Variants in MED13L observed in about 807,000 individuals in gnomAD.
The protein encoded by MED13L is mediator of RNA polymerase II transcription subunit 13-like.
A neutral mutation model predicts 220.9 loss-of-function variants in MED13L; 7 were observed. The ratio of observed to expected loss-of-function variants is 0.03; its 90% CI spans 0.02 to 0.06. MED13L has a LOEUF of 0.06. Among genes scored for constraint, MED13L ranks in the 10% least tolerant of loss-of-function variants. MED13L has a pLI of 1.00. For synonymous variants in MED13L, 1,011 were observed against 1,015.2 expected, an observed-to-expected ratio of 1.00 and a Z score of 0.08; for missense variants, 1,965 against 2,760.5, an observed-to-expected ratio of 0.71 and a Z score of 6.46.
At chr12:115,971,078 G>A (rs966048849) in intron 26 of MED13L, among the ~76,000 whole-genome samples, 6 of 152,038 alleles carry the variant, frequency 3.9e-5, no homozygotes, top group Admixed American at 1.3e-4. Context: ...TCCTCCTCTG[G>A]TTGTTCACAA....
At chr12:116,105,404 T>C (rs1282273467) in intron 3 of MED13L, among the ~76,000 whole-genome samples, 1 of 152,210 alleles carries the variant, frequency 6.6e-6, no homozygotes, top group East Asian at 1.9e-4. Context: ...TATCATTCTG[T>C]GCATTTTTCC....
At position 116,022,608 on chromosome 12, in the gene MED13L, AAGAG is replaced by A. The variant is rs1592956795; in HGVS notation, c.480-11_480-8del. On this transcript the variant is annotated splice_polypyrimidine_tract_variant and splice_region_variant and intron_variant, in intron 4 of 30. Coordinates refer to ENST00000281928, the MANE Select transcript of MED13L (RefSeq NM_015335.5). The stretch of plus-strand genomic sequence containing the variant: ...AGCACAGGACAAATGCTCACTACAA[AAGAG>A]AGAATGAGAAACTCAACTTTATATT... 6.2e-7 allele frequency: 1 copy of A among 1,610,858 alleles called. No homozygotes were observed. Among genetic ancestry groups the A allele is most frequent in the African/African-American group, 1.3e-5 (1 of 75,010 alleles).
At chr12:116,111,825 T>C (rs983226866) in intron 2 of MED13L, among the ~76,000 whole-genome samples, 2 of 152,132 alleles carry the variant, frequency 1.3e-5, no homozygotes, top group African/African-American at 4.8e-5. Context: ...AATTAATCTA[T>C]TTAAGAGTAT....
chr12:116,006,449 C>A, intron 11 of MED13L, 38 bp from the exon 12 acceptor site: 1 of 1,509,448 alleles, frequency 6.6e-7, no homozygotes, highest in Middle Eastern at 1.7e-4. Context: ...CACATGAACA[C>A]CAACCCAAAG....
At chr12:116,031,687 AAAGAAAAGAAAAGAAAAGAAAAGAAAAG>A (rs1880768054) in intron 4 of MED13L, among the ~76,000 whole-genome samples, 1 of 34,012 alleles carries the variant, frequency 2.9e-5, no homozygotes, top group African/African-American at 8.2e-5. Flanking sequence ...AAAGAAAAGA[AAAGAAAAGAAAAGAAAAGAAAAGAAAAG>A]AAAAGAAAAG....
intron 1 of MED13L, among the ~76,000 whole-genome samples, chr12:116,273,299 GTCTCAAAAAAATAAAAAA>G (rs1326326978): frequency 1.3e-5 from 2 of 151,624 alleles, no homozygotes; most frequent in African/African-American, 4.8e-5. Flanking sequence ...GCGAAACTCC[GTCTCAAAAAAATAAAAAA>G]TAAAAAGAAA....
At chr12:116,083,404 GAAAAAAA>G (rs61301423) in intron 4 of MED13L, among the ~76,000 whole-genome samples, 7 of 79,374 alleles carry the variant, frequency 8.8e-5, no homozygotes, top group East Asian at 3.8e-4. Flanking sequence ...TGTCTCGAGG[GAAAAAAA>G]AAAAAAAAAA....
chr12:116,124,148 G>C (rs201025480), intron 2 of MED13L, among the ~76,000 whole-genome samples: 7 of 93,878 alleles, frequency 7.5e-5, no homozygotes, highest in Non-Finnish European at 1.3e-4. Context: ...GAGAGAGAGA[G>C]AGACAGAGAC....
chr12:116,066,816 G>C (rs889745161), intron 4 of MED13L, among the ~76,000 whole-genome samples: 1 of 150,490 alleles, frequency 6.6e-6, no homozygotes, highest in African/African-American at 2.4e-5. Context: ...TACCAACAGA[G>C]GGCGAAAGCG....
intron 2 of MED13L, among the ~76,000 whole-genome samples, chr12:116,218,533 T>C (rs1883134072): frequency 6.6e-6 from 1 of 152,132 alleles, no homozygotes; most frequent in Admixed American, 6.5e-5. Flanking sequence ...TCTCCAGAAA[T>C]TCGGTCTTCA....
chr12:116,055,490 G>T (rs1868876184), intron 4 of MED13L, among the ~76,000 whole-genome samples: 1 of 152,132 alleles, frequency 6.6e-6, no homozygotes, highest in African/African-American at 2.4e-5. Context: ...TTCTTTAAAT[G>T]GTACACAATC....
At chr12:116,046,629 A>G (rs1881852832) in intron 4 of MED13L, among the ~76,000 whole-genome samples, 1 of 152,210 alleles carries the variant, frequency 6.6e-6, no homozygotes, top group Admixed American at 6.5e-5. Flanking sequence ...AATCAGTGTA[A>G]TATTTCATTC....
intron 2 of MED13L, among the ~76,000 whole-genome samples, chr12:116,224,489 T>C (rs1222758337): frequency 6.6e-6 from 1 of 152,222 alleles, no homozygotes; most frequent in Non-Finnish European, 1.5e-5. Flanking sequence ...CAATGCTCTG[T>C]GTGTATATAC....
intron 4 of MED13L, among the ~76,000 whole-genome samples, chr12:116,072,019 T>C (rs1461932420): frequency 6.6e-6 from 1 of 152,246 alleles, no homozygotes; most frequent in African/African-American, 2.4e-5. Flanking sequence ...ACATTGGATG[T>C]TGCCTAAACA....
intron 4 of MED13L, among the ~76,000 whole-genome samples, chr12:116,051,500 A>G (rs1347572911): frequency 6.6e-6 from 1 of 152,250 alleles, no homozygotes; most frequent in Non-Finnish European, 1.5e-5. Flanking sequence ...GCAAACAGCA[A>G]TGATAAATGG....
At chr12:116,269,466 C>CA (rs34100053) in intron 1 of MED13L, among the ~76,000 whole-genome samples, 16,786 of 68,782 alleles carry the variant, frequency 0.24, 2,320 homozygotes, top group Non-Finnish European at 0.31. Flanking sequence ...TTAAACTATG[C>CA]AAAAAAAAAA....
At chr12:116,090,945 T>G (rs1872146328) in intron 4 of MED13L, among the ~76,000 whole-genome samples, 1 of 151,864 alleles carries the variant, frequency 6.6e-6, no homozygotes, top group South Asian at 2.1e-4. Context: ...GCCAACATGG[T>G]GAAATCCCGT....
intron 2 of MED13L, among the ~76,000 whole-genome samples, chr12:116,233,132 G>C (rs1458721547): frequency 6.7e-6 from 1 of 149,974 alleles, no homozygotes; most frequent in Non-Finnish European, 1.5e-5. Context: ...TTGTTTGGTA[G>C]ATTAGGAGAA....
chr12:116,102,700 TTTC>T (rs1163819556), intron 3 of MED13L, among the ~76,000 whole-genome samples: 193 of 90,318 alleles, frequency 2.1e-3, no homozygotes, highest in African/African-American at 7.2e-3. Context: ...TCTTTTTCTT[TTTC>T]TTTTTTCTTT....
Sources: gnomAD v4.1 joint callset for allele counts (sites outside exome capture counted in the v4.1 genomes callset) on GRCh38, gnomAD v4.1.1 for gene constraint, MANE v1.5 for transcripts, NCBI Gene and HGNC (gene_info 2026-07-23, HGNC 2026-07-21) for gene names.